ALOXE3: variants seen among roughly 807,000 people sequenced by gnomAD.
ALOXE3 encodes arachidonate epidermal lipoxygenase 3.
A neutral mutation model predicts 87.5 loss-of-function variants in ALOXE3; 78 were observed. That is an observed-to-expected ratio of 0.89 (90% CI 0.74 to 1.08). The LOEUF is 1.08. ALOXE3 is among the 50% of genes least tolerant of loss of function. The pLI is 0.00. For synonymous variants in ALOXE3, 363 were observed against 370.8 expected (o/e 0.98, Z 0.24); for missense variants, 946 against 912.4 (o/e 1.04, Z -0.47).
In ALOXE3 at chr17:8,109,974, A is replaced by C; in HGVS notation, c.1334T>G (p.Leu445Arg). ...GGCCCTCGCGATGGTGTTCACCTGC[A>C]GCGTGTATCGAGTGTGGGGGAGTAG... ...KLLLPHTRYTLQVNTIARATL... is the reference protein window; with the variant it reads ...KLLLPHTRYTRQVNTIARATL... The change falls in exon 11 of 16, where the codon CTG (leucine) becomes CGG (arginine). Residue 445 changes from leucine to arginine, a missense_variant. Coordinates refer to ENST00000448843, the MANE Select transcript of ALOXE3 (RefSeq NM_021628.3). 1 of 1,552,282 alleles carries C rather than the reference A, an allele frequency of 6.4e-7. No homozygotes were observed. The highest frequency in any genetic ancestry group is 8.7e-7 in the Non-Finnish European group (1 of 1,147,362).
Position 8,110,591 on chromosome 17 carries a change from C to G in ALOXE3, c.958-63G>C, listed in dbSNP as rs180901686. ...CTCGCGCTCCACTTCCCTCCCATTTCCCTGCCCACTTCCACCCCAGAGAGG... is the reference window on the plus strand; with the variant it reads ...CTCGCGCTCCACTTCCCTCCCATTTGCCTGCCCACTTCCACCCCAGAGAGG... On this transcript the variant is annotated intron_variant, in intron 8 of 15. Coordinates refer to ENST00000448843, the MANE Select transcript of ALOXE3 (RefSeq NM_021628.3). 3,509 of 1,608,708 alleles carry G rather than the reference C, an allele frequency of 2.2e-3. 64 individuals are homozygous for G. In the African/African-American group the frequency reaches 0.04, roughly 18 times the overall value.
intron 11 of ALOXE3, 40 bp from the exon 12 acceptor site, chr17:8,109,383 T>C: frequency 1.9e-6 from 3 of 1,606,442 alleles, no homozygotes; most frequent in South Asian, 2.2e-5. Context: ...GCCGGCCCAA[T>C]CCCCACCCTA....
chr17:8,118,219 C>A lies in ALOXE3; in HGVS notation c.-229G>T. On this transcript the variant is annotated 5_prime_UTR_variant, in exon 2 of 16. Coordinates refer to ENST00000448843, the MANE Select transcript of ALOXE3 (RefSeq NM_021628.3). Reference sequence around the variant, plus strand: ...CTTCCTCTCTCCGCCCACAGTCTTGCACTCTAATACTTGTTTGCTTGCCTC... The same window carrying A: ...CTTCCTCTCTCCGCCCACAGTCTTGAACTCTAATACTTGTTTGCTTGCCTC... 1 of 1,551,684 alleles carries A rather than the reference C, an allele frequency of 6.4e-7. No homozygotes were observed. Among genetic ancestry groups the A allele is most frequent in the East Asian group, 2.4e-5 (1 of 40,912 alleles).
In ALOXE3 at chr17:8,096,630, G is replaced by A; in HGVS notation, c.2133C>T (p.Ile711=). ...CTTGGGTGGTATTTGGGGGTGGTTAGATGGAGACGCTGTTCTCAATGAGGG... is the reference window on the plus strand; with the variant it reads ...CTTGGGTGGTATTTGGGGGTGGTTAAATGGAGACGCTGTTCTCAATGAGGG... ...DPPLIENSVS[I] Residue 711 remains isoleucine (I), a synonymous_variant, in exon 16 of 16, where the codon ATC becomes ATT. Coordinates refer to ENST00000448843, the MANE Select transcript of ALOXE3 (RefSeq NM_021628.3). The A allele has an allele frequency of 3.0e-6, 4 of 1,329,430 alleles. No individual in the cohort carries two copies. Among genetic ancestry groups the A allele is most frequent in the Non-Finnish European group, 4.3e-6 (4 of 920,340 alleles). The allele number at this position is 1,329,430 out of a possible 1,614,324, so 82.4% of individuals were successfully genotyped here. A position where few individuals can be genotyped will look rare whatever the true frequency, so the allele number is the denominator to read the frequency against.
At chr17:8,115,131 C>A in intron 4 of ALOXE3, 74 bp from the exon 5 acceptor site, 1 of 1,588,512 alleles carries the variant, frequency 6.3e-7, no homozygotes, top group Non-Finnish European at 8.6e-7. Flanking sequence ...AAAGACACGG[C>A]TTCAGATTAA....
In ALOXE3 at chr17:8,096,626, G is replaced by C. The variant is rs531306514; in HGVS notation, c.*1C>G. On this transcript the variant is annotated 3_prime_UTR_variant, in exon 16 of 16. Transcript: ENST00000448843. ...TCTTCTTGGGTGGTATTTGGGGGTGGTTAGATGGAGACGCTGTTCTCAATG... is the reference window on the plus strand; with the variant it reads ...TCTTCTTGGGTGGTATTTGGGGGTGCTTAGATGGAGACGCTGTTCTCAATG... 3 of 1,295,532 alleles carry C rather than the reference G, an allele frequency of 2.3e-6. No homozygotes were observed. Among genetic ancestry groups the C allele is most frequent in the Non-Finnish European group, 3.4e-6 (3 of 889,442 alleles). 80.3% of individuals were successfully genotyped at this position (1,295,532 alleles called of 1,614,324 possible).
At position 8,096,235 on chromosome 17, in the gene ALOXE3, C is replaced by G; in HGVS notation, c.*392G>C. The G allele has an allele frequency of 4.8e-6, 1 of 207,252 alleles. No individual in the cohort carries two copies. Among genetic ancestry groups the G allele is most frequent in the Non-Finnish European group, 9.9e-6 (1 of 101,242 alleles). 12.8% of individuals were successfully genotyped at this position (207,252 alleles called of 1,614,324 possible). ...GGCTCTAGGCTTGGAAGAAAGAGAACGTAGAAAGGCATGGTAGGAGAAGGA... is the reference window on the plus strand; with the variant it reads ...GGCTCTAGGCTTGGAAGAAAGAGAAGGTAGAAAGGCATGGTAGGAGAAGGA... On this transcript the variant is annotated 3_prime_UTR_variant, in exon 16 of 16. Coordinates refer to ENST00000448843, the MANE Select transcript of ALOXE3 (RefSeq NM_021628.3).
In ALOXE3 at chr17:8,108,489, A is replaced by G. The variant is rs753837980; in HGVS notation, c.1663T>C (p.Phe555Leu). The G allele has an allele frequency of 6.2e-7, 1 of 1,613,310 alleles. No individual in the cohort carries two copies. The highest frequency in any genetic ancestry group is 8.5e-7 in the Non-Finnish European group (1 of 1,179,556). ...AWTGEIFAQA[F>L]LGRESSGFPS... Reference sequence around the variant, plus strand: ...ATACCTGAGCTTTCCCGGCCCAGGAACGCCTGAGCAAAAATCTCGCCAGTC... The same window carrying G: ...ATACCTGAGCTTTCCCGGCCCAGGAGCGCCTGAGCAAAAATCTCGCCAGTC... The change falls in exon 13 of 16, where the codon TTC becomes CTC. Residue 555 changes from phenylalanine (F) to leucine (L), a missense_variant. Coordinates refer to ENST00000448843, the MANE Select transcript of ALOXE3 (RefSeq NM_021628.3).
intron 13 of ALOXE3, among the ~76,000 whole-genome samples, chr17:8,107,753 C>A (rs1412422836): frequency 3.5e-5 from 5 of 144,262 alleles, no homozygotes; most frequent in Non-Finnish European, 7.6e-5. Context: ...GAGCAGAGAT[C>A]GCGCCACTGC....
At position 8,110,037 on chromosome 17, in the gene ALOXE3, G is replaced by C. The variant is rs370970761; in HGVS notation, c.1306-35C>G. 1.3e-5 allele frequency: 20 copies of C among 1,572,848 alleles called. No homozygotes were observed. The African/African-American group carries it at 2.7e-4, about 21-fold the overall frequency. On this transcript the variant is annotated intron_variant, in intron 10 of 15. Coordinates refer to ENST00000448843, the MANE Select transcript of ALOXE3 (RefSeq NM_021628.3). ...GAGCGGATCACGTGAGCTGAAGGCCGGGGACAAGGCCGCCCGGCCCCTGCC... is the reference window on the plus strand; with the variant it reads ...GAGCGGATCACGTGAGCTGAAGGCCCGGGACAAGGCCGCCCGGCCCCTGCC...
At chr17:8,107,951 A>AG (rs1979571996) in intron 13 of ALOXE3, among the ~76,000 whole-genome samples, 1 of 4,404 alleles carries the variant, frequency 2.3e-4, no homozygotes, top group East Asian at 1.0e-3. Context: ...GAAAGAAAGA[A>AG]AGAAAGAAAG....
At chr17:8,109,485 C>A in intron 11 of ALOXE3, 142 bp from the exon 12 acceptor site, 1 of 1,148,238 alleles carries the variant, frequency 8.7e-7, no homozygotes, top group South Asian at 1.4e-5. Context: ...CCCACGAGGG[C>A]CTGCCTGACG....
chr17:8,110,214 C>A lies in ALOXE3; in HGVS notation c.1183G>T (p.Val395Leu), dbSNP rs754248932. The A allele has an allele frequency of 6.2e-7, 1 of 1,614,124 alleles. No homozygotes were observed. The highest frequency in any genetic ancestry group is 1.1e-5 in the South Asian group (1 of 91,088). The change falls in exon 10 of 16, where the codon GTG (valine) becomes TTG (leucine). Residue 395 changes from valine (V) to leucine (L), a missense_variant. Val to Leu is a conservative substitution (Grantham distance 32). Coordinates refer to ENST00000448843, the MANE Select transcript of ALOXE3 (RefSeq NM_021628.3). ...EWDWLLAKTW[V>L]RNSEFLVHEN... ...TGCACCAGGAACTCAGAGTTGCGCA[C>A]CCACGTCTTGGCCAGCAGCCAGTCC...
In ALOXE3 at chr17:8,111,516, T is replaced by C; in HGVS notation, c.800A>G (p.His267Arg). 1 of 1,614,200 alleles carries C rather than the reference T, an allele frequency of 6.2e-7. No homozygotes were observed. Among genetic ancestry groups the C allele is most frequent in the Non-Finnish European group, 8.5e-7 (1 of 1,180,038 alleles). The change falls in exon 8 of 16, where the codon CAC becomes CGC. Residue 267 changes from histidine (H) to arginine (R), a missense_variant. Physicochemically the swap from His to Arg is conservative, Grantham distance 29. Coordinates refer to ENST00000448843, the MANE Select transcript of ALOXE3 (RefSeq NM_021628.3). ...KTFTTKYVTE[H>R]WCEDHFFGYQ... is the part of the protein sequence containing the mutation. Reference sequence around the variant, plus strand: ...CCCAAAGAAGTGATCTTCACACCAGTGCTCTGTGACATACTCTGGGATACA... The same window carrying C: ...CCCAAAGAAGTGATCTTCACACCAGCGCTCTGTGACATACTCTGGGATACA...
In ALOXE3 at chr17:8,116,654, C is replaced by G; in HGVS notation, c.352+122G>C. 4 of 1,202,998 alleles carry G rather than the reference C, an allele frequency of 3.3e-6. No homozygotes were observed. The South Asian group carries it at 3.9e-5, about 12-fold the overall frequency. 74.5% of individuals were successfully genotyped at this position (1,202,998 alleles called of 1,614,324 possible). On this transcript the variant is annotated intron_variant, in intron 3 of 15. Coordinates refer to ENST00000448843, the MANE Select transcript of ALOXE3 (RefSeq NM_021628.3). The stretch of plus-strand genomic sequence containing the variant: ...GCTCCCTTTTTTCAGAAAACATCTA[C>G]TTGGGAGCCCAGAGTTTCTGACCTC...
Position 8,103,585 on chromosome 17 carries a change from A to G in ALOXE3, c.1786-92T>C, listed in dbSNP as rs186144311. 57 of 1,388,906 alleles carry G rather than the reference A, an allele frequency of 4.1e-5. No homozygotes were observed. In the African/African-American group the frequency reaches 7.0e-4, roughly 17 times the overall value. 86.0% of individuals were successfully genotyped at this position (1,388,906 alleles called of 1,614,324 possible). On this transcript the variant is annotated intron_variant, in intron 14 of 15. Coordinates refer to ENST00000448843, the MANE Select transcript of ALOXE3 (RefSeq NM_021628.3). ...TCCCTGATTCCACCTCTGCCGTCCT[A>G]GAGGTGATAGTTGGGAAATGAGGGG...
At chr17:8,107,859 A>G (rs1253329851) in intron 13 of ALOXE3, among the ~76,000 whole-genome samples, 31 of 2,746 alleles carry the variant, frequency 0.011, no homozygotes, top group Non-Finnish European at 0.017. Flanking sequence ...GAAAGAAAGA[A>G]AGAAAGAAAG....
At position 8,096,411 on chromosome 17, in the gene ALOXE3, C is replaced by T. The variant is rs1161536114; in HGVS notation, c.*216G>A. 8.7e-6 allele frequency: 5 copies of T among 577,354 alleles called. No homozygotes were observed. Among genetic ancestry groups the T allele is most frequent in the Non-Finnish European group, 1.2e-5 (4 of 321,576 alleles). 35.8% of individuals were successfully genotyped at this position (577,354 alleles called of 1,614,324 possible). ...CTATTGTGCATTGGACTTTGGTCAG[C>T]GGCTTTTAACCTGGACGCTGCTGTG... On this transcript the variant is annotated 3_prime_UTR_variant, in exon 16 of 16. Transcript: ENST00000448843.
intron 15 of ALOXE3, among the ~76,000 whole-genome samples, chr17:8,098,717 C>A (rs990471824): frequency 1.3e-5 from 2 of 151,886 alleles, no homozygotes; most frequent in Non-Finnish European, 2.9e-5. Flanking sequence ...GTTGAACCAA[C>A]CTTTCATTCC....
Sources: gnomAD v4.1 joint callset for allele counts (sites outside exome capture counted in the v4.1 genomes callset) on GRCh38, gnomAD v4.1.1 for gene constraint, MANE v1.5 for transcripts, NCBI Gene and HGNC (gene_info 2026-07-23, HGNC 2026-07-21) for gene names.